The following GALNT13 variants were observed in gnomAD, a reference collection of about 807,000 sequenced individuals.
GALNT13 encodes UDP-GalNAc:polypeptide N-acetylgalactosaminyltransferase 13.
Under a neutral mutation model 64.2 loss-of-function variants are expected in GALNT13, and 28 were observed. The observed-to-expected ratio is 0.44, with a 90% CI of 0.32 to 0.60. GALNT13 has a LOEUF of 0.60. Among genes scored for constraint, GALNT13 ranks in the 20% least tolerant of loss-of-function variants. The pLI, the probability that GALNT13 is intolerant of heterozygous loss-of-function variation, is 0.05. For missense variants in GALNT13, 577 were observed against 669.8 expected, an observed-to-expected ratio of 0.86 and a Z score of 1.53; for synonymous variants, 214 against 224.6, an observed-to-expected ratio of 0.95 and a Z score of 0.42.
intron 10 of GALNT13, among the ~76,000 whole-genome samples, chr2:154,398,664 A>G (rs1316169389): frequency 6.6e-6 from 1 of 152,174 alleles, no homozygotes; most frequent in African/African-American, 2.4e-5. Context: ...GGAGGGTTCA[A>G]ATCCTAGCCT....
At chr2:153,845,172 T>G in the GALNT13 span, among the ~76,000 whole-genome samples, 1 of 152,188 alleles carries the variant, frequency 6.6e-6, no homozygotes, top group Admixed American at 6.5e-5. Context: ...AGTACCGTTT[T>G]TCTATATTAA....
At chr2:153,198,700 T>A in the GALNT13 span, among the ~76,000 whole-genome samples, 1 of 152,252 alleles carries the variant, frequency 6.6e-6, no homozygotes, top group Non-Finnish European at 1.5e-5. Flanking sequence ...TCTTTTTTAG[T>A]TCTTTTCAGA....
At chr2:154,340,096 C>T (rs1695675448) in intron 9 of GALNT13, among the ~76,000 whole-genome samples, 2 of 152,102 alleles carry the variant, frequency 1.3e-5, no homozygotes, top group Non-Finnish European at 2.9e-5. Context: ...AAATAATAGA[C>T]TCTGACATTT....
At chr2:154,115,817 A>T (rs1056470752) in intron 3 of GALNT13, among the ~76,000 whole-genome samples, 2 of 152,046 alleles carry the variant, frequency 1.3e-5, no homozygotes, top group Admixed American at 1.3e-4. Flanking sequence ...ATCCAACTCA[A>T]TGTTCCATCC....
the GALNT13 span, among the ~76,000 whole-genome samples, chr2:153,530,693 GAC>G: frequency 6.6e-6 from 1 of 152,014 alleles, no homozygotes; most frequent in East Asian, 1.9e-4. Context: ...CAAAAAGAGA[GAC>G]ACACAGGTGA....
the GALNT13 span, among the ~76,000 whole-genome samples, chr2:153,217,494 T>G: frequency 6.6e-6 from 1 of 152,122 alleles, no homozygotes; most frequent in Non-Finnish European, 1.5e-5. Flanking sequence ...CCAAAGCTCC[T>G]GGATGCTGTT....
At chr2:153,235,987 T>G in the GALNT13 span, among the ~76,000 whole-genome samples, 2 of 152,120 alleles carry the variant, frequency 1.3e-5, no homozygotes, top group Non-Finnish European at 2.9e-5. Flanking sequence ...AGGTGCTACC[T>G]TAGTGAGCAC....
the GALNT13 span, among the ~76,000 whole-genome samples, chr2:153,319,963 G>GA: frequency 3.3e-5 from 5 of 151,768 alleles, no homozygotes; most frequent in African/African-American, 7.3e-5. Flanking sequence ...ATGGGGAGCT[G>GA]AAAAAAAATG....
the GALNT13 span, among the ~76,000 whole-genome samples, chr2:153,512,629 T>C: frequency 4.6e-5 from 7 of 152,214 alleles, no homozygotes; most frequent in East Asian, 5.8e-4. Context: ...CTAGGGTTAC[T>C]GTGCAGAGTA....
the GALNT13 span, among the ~76,000 whole-genome samples, chr2:153,235,672 C>T: frequency 3.3e-5 from 5 of 152,038 alleles, no homozygotes; most frequent in Admixed American, 1.3e-4. Flanking sequence ...TCTTCCACCC[C>T]CTTGCTAAAG....
At chr2:153,832,574 T>G in the GALNT13 span, among the ~76,000 whole-genome samples, 1 of 152,154 alleles carries the variant, frequency 6.6e-6, no homozygotes, top group South Asian at 2.1e-4. Flanking sequence ...CTAACAGATT[T>G]CAATATGAAT....
At chr2:153,737,281 G>A in the GALNT13 span, among the ~76,000 whole-genome samples, 1 of 151,982 alleles carries the variant, frequency 6.6e-6, no homozygotes, top group African/African-American at 2.4e-5. Flanking sequence ...ATTTTTTAAT[G>A]GTTCGATTTT....
the GALNT13 span, among the ~76,000 whole-genome samples, chr2:153,621,405 G>C: frequency 6.6e-6 from 1 of 152,176 alleles, no homozygotes; most frequent in African/African-American, 2.4e-5. Context: ...TCTGAAGCCA[G>C]AACAGCACTG....
At chr2:153,866,933 A>G (rs995190038), upstream of GALNT13, among the ~76,000 whole-genome samples, 2 of 152,192 alleles carry the variant, frequency 1.3e-5, no homozygotes, top group Non-Finnish European at 2.9e-5. Flanking sequence ...TATTTAAAAT[A>G]TATCATCTCT....
intron 4 of GALNT13, among the ~76,000 whole-genome samples, chr2:154,185,022 A>G (rs944553666): frequency 3.9e-5 from 6 of 152,102 alleles, no homozygotes. Flanking sequence ...AACTTTCTTT[A>G]GCATTTCTAG....
At chr2:153,493,300 G>T in the GALNT13 span, among the ~76,000 whole-genome samples, 2 of 151,812 alleles carry the variant, frequency 1.3e-5, no homozygotes, top group Admixed American at 6.6e-5. Flanking sequence ...AGAGAGAAAA[G>T]GAGGGAGAAA....
At chr2:153,880,596 A>G (rs1686715742) in intron 1 of GALNT13, among the ~76,000 whole-genome samples, 1 of 152,108 alleles carries the variant, frequency 6.6e-6, no homozygotes, top group Admixed American at 6.6e-5. Context: ...TCTTTTTCTT[A>G]TAGCAAATTT....
At chr2:154,370,993 C>T (rs1411303580) in intron 9 of GALNT13, among the ~76,000 whole-genome samples, 1 of 151,946 alleles carries the variant, frequency 6.6e-6, no homozygotes, top group Non-Finnish European at 1.5e-5. Flanking sequence ...AATGTGGTGT[C>T]ATGGAAGCCA....
intron 1 of GALNT13, among the ~76,000 whole-genome samples, chr2:153,883,459 A>ATTAAGACATT (rs1429184284): frequency 6.6e-6 from 1 of 152,078 alleles, no homozygotes; most frequent in Non-Finnish European, 1.5e-5. Context: ...TCAGGGTAGA[A>ATTAAGACATT]TTAAGACATT....
Sources: allele counts gnomAD v4.1 joint callset (sites outside exome capture counted in the v4.1 genomes callset), GRCh38; gene constraint gnomAD v4.1.1; transcripts MANE v1.5; gene names NCBI Gene and HGNC (gene_info 2026-07-23, HGNC 2026-07-21).